Variants in THBS4 observed in about 807,000 individuals in gnomAD.
The protein encoded by THBS4 is thrombospondin-4.
In THBS4, 90 loss-of-function variants were observed where a neutral mutation model predicts 115.7. The observed-to-expected ratio is 0.78, with a 90% CI of 0.66 to 0.93. The LOEUF (loss-of-function observed/expected upper bound fraction) is 0.93. Ranked by LOEUF, THBS4 falls within the 40% of genes least tolerant of loss-of-function variation. THBS4 has a pLI of 0.00. For missense variants in THBS4, 1,087 were observed against 1,232.7 expected (o/e 0.88, Z 1.77); for synonymous variants, 460 against 479.3 (o/e 0.96, Z 0.53).
intron 8 of THBS4, 75 bp downstream of exon 8, chr5:80,061,907 A>G (rs572122007): frequency 6.8e-7 from 1 of 1,465,592 alleles, no homozygotes; most frequent in African/African-American, 1.4e-5. Context: ...CCTCTTTGGT[A>G]TAAACCTTTA....
At chr5:80,072,896 A>G (rs1401580670) in intron 14 of THBS4, among the ~76,000 whole-genome samples, 2 of 152,204 alleles carry the variant, frequency 1.3e-5, no homozygotes, top group Non-Finnish European at 2.9e-5. Context: ...TGACTCACTC[A>G]TGATTTTGGC....
rs1832312759 is a variant in THBS4 at position 80,019,250 on chromosome 5, C to T, written n.177+20823C>T. Among the ~76,000 whole-genome samples the T allele has an allele frequency of 2.0e-5, 3 of 152,104 alleles. No homozygotes were observed. The South Asian group carries it at 6.2e-4, about 32-fold the overall frequency. On this transcript the variant is annotated intron_variant and non_coding_transcript_variant, in intron 2 of 3. Coordinates refer to the THBS4 transcript ENST00000510218. ...ACAGAATCTAGGACATTCTATAGAG[C>T]CTGGATTCTTCAAAAAAGTCATACA...
chr5:80,020,288 C>T (rs886580117), intron 2 of THBS4, among the ~76,000 whole-genome samples: 8 of 151,996 alleles, frequency 5.3e-5, no homozygotes, highest in South Asian at 2.1e-4. Context: ...CTGGCTAAGA[C>T]GGTGAAACCC....
intron 2 of THBS4, among the ~76,000 whole-genome samples, chr5:80,054,633 A>T (rs1833364823): frequency 6.6e-6 from 1 of 151,616 alleles, no homozygotes; most frequent in African/African-American, 2.4e-5. Flanking sequence ...CAATTTTTTT[A>T]AATTTACTTT....
chr5:80,032,079 G>A (rs1465704579), upstream of THBS4, among the ~76,000 whole-genome samples: 1 of 152,072 alleles, frequency 6.6e-6, no homozygotes, highest in Non-Finnish European at 1.5e-5. Flanking sequence ...TAAAATAAAT[G>A]AAATAAAATC....
intron 2 of THBS4, among the ~76,000 whole-genome samples, chr5:80,011,260 G>A (rs1048215656): frequency 6.6e-6 from 1 of 152,178 alleles, no homozygotes; most frequent in Admixed American, 6.5e-5. Context: ...TCCATTAAAC[G>A]TCTTTCTTTT....
At chr5:79,992,186 A>G (rs1831692798) in intron 1 of THBS4, among the ~76,000 whole-genome samples, 1 of 152,214 alleles carries the variant, frequency 6.6e-6, no homozygotes, top group African/African-American at 2.4e-5. Flanking sequence ...TTCTCAGAAA[A>G]ACTATTAAAG....
intron 20 of THBS4, among the ~76,000 whole-genome samples, chr5:80,081,512 A>C (rs543956485): frequency 6.6e-6 from 1 of 152,208 alleles, no homozygotes; most frequent in East Asian, 1.9e-4. Flanking sequence ...AGACACTTGC[A>C]CCCATGCCTA....
At chr5:80,024,092 C>T (rs1181873647) in intron 2 of THBS4, among the ~76,000 whole-genome samples, 1 of 152,140 alleles carries the variant, frequency 6.6e-6, no homozygotes, top group Admixed American at 6.5e-5. Context: ...AAGGAAACCA[C>T]CATGTGCCAG....
At chr5:80,019,272 T>C (rs989286939) in intron 2 of THBS4, among the ~76,000 whole-genome samples, 1 of 151,946 alleles carries the variant, frequency 6.6e-6, no homozygotes, top group African/African-American at 2.4e-5. Flanking sequence ...AAAAAAGTCA[T>C]ACACACACAC....
chr5:80,064,093 C>T (rs952404046), intron 8 of THBS4, among the ~76,000 whole-genome samples: 7 of 152,170 alleles, frequency 4.6e-5, no homozygotes, highest in Non-Finnish European at 8.8e-5. Context: ...TTATCAATTA[C>T]AAGGAGACAG....
intron 2 of THBS4, among the ~76,000 whole-genome samples, chr5:80,017,267 C>G (rs1832270258): frequency 6.6e-6 from 1 of 152,122 alleles, no homozygotes; most frequent in Non-Finnish European, 1.5e-5. Flanking sequence ...GCACTCGAAT[C>G]TGAAAGAAAT....
intron 2 of THBS4, chr5:80,052,363 G>GAGA (rs530617744): frequency 1.7e-3 from 252 of 152,162 alleles, no homozygotes; most frequent in Non-Finnish European, 3.0e-3. Flanking sequence ...TAAATAAAAG[G>GAGA]AGAAGAATTC....
At chr5:80,034,835 TAAAAG>T (rs1832658360), upstream of THBS4, among the ~76,000 whole-genome samples, 1 of 152,020 alleles carries the variant, frequency 6.6e-6, no homozygotes, top group African/African-American at 2.4e-5. Context: ...CTTGAAGAAA[TAAAAG>T]AAACTCGCTG....
In THBS4 at chr5:80,059,783, CG is replaced by C; in HGVS notation, c.867del (p.Cys290ValfsTer53). Reference protein sequence around the residue: ...PPAPPTRPPRRCDSNPCFRGV... With the variant: ...PPAPPTRPPRXCDSNPCFRGV... Reference sequence around the variant, plus strand: ...TGCACCGCCAACACGCCCACCTCGTCGGTGTGACTCCAACCCATGTTTCCGA... The same window carrying C: ...TGCACCGCCAACACGCCCACCTCGTCGTGTGACTCCAACCCATGTTTCCGA... On this transcript the variant is annotated frameshift_variant, in exon 7 of 22. Transcript: ENST00000350881. LOFTEE classifies it high-confidence loss of function. 6.2e-7 allele frequency: 1 copy of C among 1,614,178 alleles called. No homozygotes were observed. The highest frequency in any genetic ancestry group is 8.5e-7 in the Non-Finnish European group (1 of 1,180,044).
At chr5:80,035,164 G>C (rs1832669758), upstream of THBS4, among the ~76,000 whole-genome samples, 1 of 151,926 alleles carries the variant, frequency 6.6e-6, no homozygotes, top group Non-Finnish European at 1.5e-5. This position sits in a 1 kb window ranked among gnomAD's most constrained non-coding sequence, Gnocchi z 4.6. Context: ...ACCCACCCCA[G>C]GACCTGGTCC....
intron 2 of THBS4, among the ~76,000 whole-genome samples, chr5:80,023,410 T>C (rs984674692): frequency 6.6e-6 from 1 of 152,214 alleles, no homozygotes; most frequent in Admixed American, 6.5e-5. Flanking sequence ...GTCAGGGCAA[T>C]TAAAATTTAC....
chr5:80,033,220 G>A, upstream of THBS4: 1 of 451,272 alleles, frequency 2.2e-6, no homozygotes, highest in South Asian at 1.8e-5. Context: ...GCGGCTGATG[G>A]GGAACACACG....
chr5:80,065,176 T>C (rs533898763), intron 8 of THBS4, among the ~76,000 whole-genome samples: 6 of 152,172 alleles, frequency 3.9e-5, no homozygotes, highest in African/African-American at 1.2e-4. Context: ...ATTATACAAG[T>C]TGTCTTTTCT....
Sources: allele counts gnomAD v4.1 joint callset (sites outside exome capture counted in the v4.1 genomes callset), GRCh38; gene constraint gnomAD v4.1.1; non-coding constraint Gnocchi (gnomAD v3.1); transcripts MANE v1.5; gene names NCBI Gene and HGNC (gene_info 2026-07-23, HGNC 2026-07-21).